The following STK10 variants were observed in gnomAD, a reference collection of about 807,000 sequenced individuals.
STK10 encodes serine/threonine kinase 10.
A neutral mutation model predicts 113.8 loss-of-function variants in STK10; 78 were observed. The observed-to-expected ratio is 0.69, with a 90% CI of 0.57 to 0.83. The LOEUF is 0.83. STK10 is among the 40% of genes least tolerant of loss of function. STK10 has a pLI of 0.00. For missense variants in STK10, 1,109 were observed against 1,280.1 expected, an observed-to-expected ratio of 0.87 and a Z score of 2.04; for synonymous variants, 465 against 494.7, an observed-to-expected ratio of 0.94 and a Z score of 0.80.
At chr5:172,055,874 G>T in intron 15 of STK10, 98 bp from the exon 16 acceptor site, 1 of 1,019,202 alleles carries the variant, frequency 9.8e-7, no homozygotes, top group Non-Finnish European at 1.3e-6. Flanking sequence ...AGGGGCCCAG[G>T]ACCAACGCAG....
At chr5:172,079,666 G>A (rs10073302) in intron 12 of STK10, among the ~76,000 whole-genome samples, 25,180 of 151,964 alleles carry the variant, frequency 0.17, 2,305 homozygotes, top group African/African-American at 0.23. Context: ...GGTTCGAGCA[G>A]TTCTCCTGCT....
intron 1 of STK10, among the ~76,000 whole-genome samples, chr5:172,182,596 C>G (rs1490599936): frequency 6.6e-6 from 1 of 150,656 alleles, no homozygotes; most frequent in Non-Finnish European, 1.5e-5. Flanking sequence ...CTCTTTCACC[C>G]AGGTTGGTTT....
At chr5:172,117,429 A>AC (rs1294499123) in intron 4 of STK10, 52 bp downstream of exon 4, 1 of 1,599,366 alleles carries the variant, frequency 6.3e-7, no homozygotes, top group African/African-American at 1.3e-5. Context: ...CCAGGCCAAC[A>AC]CCCCCAGGCA....
chr5:172,160,252 T>A (rs1227174506), intron 1 of STK10, among the ~76,000 whole-genome samples: 1 of 151,916 alleles, frequency 6.6e-6, no homozygotes, highest in Non-Finnish European at 1.5e-5. Context: ...GGTAGGTGGA[T>A]CACCTGAAGT....
At chr5:172,088,651 G>C (rs754882218) in intron 10 of STK10, among the ~76,000 whole-genome samples, 1 of 152,114 alleles carries the variant, frequency 6.6e-6, no homozygotes, top group Non-Finnish European at 1.5e-5. Context: ...GCCCCCAGGG[G>C]ACTCCGTGGC....
At chr5:172,154,928 C>T (rs1003900385) in intron 2 of STK10, among the ~76,000 whole-genome samples, 10 of 152,170 alleles carry the variant, frequency 6.6e-5, no homozygotes, top group Non-Finnish European at 1.3e-4. Context: ...ACAGTAAACT[C>T]TCAATAAATG....
At chr5:172,151,087 C>T (rs1258586494) in intron 2 of STK10, among the ~76,000 whole-genome samples, 2 of 152,244 alleles carry the variant, frequency 1.3e-5, no homozygotes, top group South Asian at 2.1e-4. Flanking sequence ...AGGAGAGGCA[C>T]GATGAAGGTG....
intron 14 of STK10, among the ~76,000 whole-genome samples, chr5:172,058,669 C>T (rs1381881935): frequency 6.6e-6 from 1 of 152,086 alleles, no homozygotes; most frequent in East Asian, 1.9e-4. Flanking sequence ...GTGGGCAGAT[C>T]GCTTGAGCCT....
intron 7 of STK10, among the ~76,000 whole-genome samples, chr5:172,102,313 G>T (rs966414285): frequency 6.6e-6 from 1 of 152,196 alleles, no homozygotes; most frequent in Non-Finnish European, 1.5e-5. Flanking sequence ...TGCCTGCATG[G>T]TTTGGGGCCT....
At chr5:172,099,357 T>C (rs1435944308) in intron 7 of STK10, among the ~76,000 whole-genome samples, 1 of 152,122 alleles carries the variant, frequency 6.6e-6, no homozygotes, top group African/African-American at 2.4e-5. Context: ...CTGGCCAACA[T>C]GGTGAAACCC....
Position 172,128,297 on chromosome 5 carries a change from C to T in STK10, c.322-876G>A, listed in dbSNP as rs114547391. Among the ~76,000 whole-genome samples the T allele has an allele frequency of 4.6e-3, 692 of 150,266 alleles. 7 individuals carry two copies. Among genetic ancestry groups the T allele is most frequent in the African/African-American group, 0.016 (654 of 40,982 alleles). On this transcript the variant is annotated intron_variant, in intron 2 of 18. Coordinates refer to ENST00000176763, the MANE Select transcript of STK10 (RefSeq NM_005990.4). ...TCCCATTCTCACTCTTTCTGGCCCA[C>T]TCCGGGCTCTTTGCATAGATGCTTT...
At chr5:172,096,864 T>C (rs898580919) in intron 7 of STK10, among the ~76,000 whole-genome samples, 3 of 152,236 alleles carry the variant, frequency 2.0e-5, no homozygotes, top group Non-Finnish European at 4.4e-5. Context: ...GTCATGCGGA[T>C]TAAATGAGAT....
At position 172,105,691 on chromosome 5, in the gene STK10, G is replaced by T; in HGVS notation, c.835C>A (p.Pro279Thr). 3 of 1,613,848 alleles carry T rather than the reference G, an allele frequency of 1.9e-6. No homozygotes were observed. Among genetic ancestry groups the T allele is most frequent in the African/African-American group, 1.3e-5 (1 of 75,008 alleles). The change falls in exon 7 of 19, where the codon CCA becomes ACA. Residue 279 changes from proline to threonine, a missense_variant. This residue lies in a region of STK10 where 885 missense variants were observed against 991.1 expected (regional missense o/e 0.89). Coordinates refer to ENST00000176763, the MANE Select transcript of STK10 (RefSeq NM_005990.4). The part of the protein sequence containing the change: ...DFLKIALDKN[P>T]ETRPSAAQLL... ...TGCGCGGCACTGGGTCGGGTTTCTG[G>T]GTTCTTATCCAGGGCTATCTTCAGG...
intron 12 of STK10, among the ~76,000 whole-genome samples, chr5:172,068,084 T>C (rs1366150559): frequency 6.6e-6 from 1 of 152,196 alleles, no homozygotes; most frequent in Non-Finnish European, 1.5e-5. Flanking sequence ...CTCACGCCTG[T>C]AATCCCAGCA....
chr5:172,109,133 G>T (rs1769180019), intron 4 of STK10, among the ~76,000 whole-genome samples: 1 of 152,016 alleles, frequency 6.6e-6, no homozygotes, highest in South Asian at 2.1e-4. Flanking sequence ...GGGGAGAAGG[G>T]GGATACACAG....
At chr5:172,140,154 G>A (rs1045765374) in intron 2 of STK10, among the ~76,000 whole-genome samples, 3 of 151,978 alleles carry the variant, frequency 2.0e-5, no homozygotes, top group Non-Finnish European at 2.9e-5. Flanking sequence ...CTTCAAAGAC[G>A]ACATACAAAT....
intron 14 of STK10, among the ~76,000 whole-genome samples, chr5:172,058,391 C>T (rs989472075): frequency 2.0e-5 from 3 of 152,200 alleles, no homozygotes; most frequent in Non-Finnish European, 4.4e-5. Flanking sequence ...CCCTGTTTTG[C>T]TGATCCACAT....
chr5:172,117,707 G>A (rs1769418429), intron 3 of STK10, 77 bp from the exon 4 acceptor site: 3 of 1,577,294 alleles, frequency 1.9e-6, no homozygotes, highest in Non-Finnish European at 2.6e-6. Flanking sequence ...CCACGCCAGG[G>A]AGAAATATAA....
At chr5:172,110,204 T>C (rs1227126861) in intron 4 of STK10, among the ~76,000 whole-genome samples, 2 of 151,828 alleles carry the variant, frequency 1.3e-5, no homozygotes, top group Non-Finnish European at 2.9e-5. Flanking sequence ...ACTCCTAACA[T>C]GGAAAGTGTT....
Sources: allele counts gnomAD v4.1 joint callset (sites outside exome capture counted in the v4.1 genomes callset), GRCh38; gene constraint gnomAD v4.1.1; regional missense constraint gnomAD v4.1.1; transcripts MANE v1.5; gene names NCBI Gene and HGNC (gene_info 2026-07-23, HGNC 2026-07-21).